The following WWP1 variants were observed in gnomAD, a reference collection of about 807,000 sequenced individuals.
WWP1 encodes the protein NEDD4-like E3 ubiquitin-protein ligase WWP1.
In WWP1, 49 loss-of-function variants were observed where a neutral mutation model predicts 130.6. That is an observed-to-expected ratio of 0.38 (90% CI 0.30 to 0.48). WWP1 has a LOEUF of 0.48. Among genes scored for constraint, WWP1 ranks in the 20% least tolerant of loss-of-function variants. The pLI, the probability that WWP1 is intolerant of heterozygous loss-of-function variation, is 0.99. For missense variants in WWP1, 809 were observed against 1,100.6 expected (o/e 0.74, Z 3.75); for synonymous variants, 332 against 367.8 (o/e 0.90, Z 1.11).
intron 21 of WWP1, 73 bp downstream of exon 21, chr8:86,452,752 C>G (rs1290171269): frequency 6.5e-7 from 1 of 1,548,828 alleles, no homozygotes; most frequent in East Asian, 2.3e-5. Context: ...TTTTACAGAA[C>G]AGTGTTCACA....
At chr8:86,424,294 G>A (rs1160413609) in intron 9 of WWP1, among the ~76,000 whole-genome samples, 13 of 150,584 alleles carry the variant, frequency 8.6e-5, no homozygotes, top group Non-Finnish European at 1.3e-4. Context: ...GATGGCGGCC[G>A]GGAAGAGGCG....
At chr8:86,352,039 CTTTT>C (rs770047019) in intron 1 of WWP1, among the ~76,000 whole-genome samples, 2 of 125,192 alleles carry the variant, frequency 1.6e-5, no homozygotes, top group Non-Finnish European at 1.6e-5. Context: ...TAAAATATTC[CTTTT>C]TTTTTTTTTT....
In WWP1 at chr8:86,342,613, G is replaced by T; in HGVS notation, c.-432G>T. ...AGCGCGCGGTGCCGGGGCCGGCGGG[G>T]AGGCGCGCGCTTAGGGCGCGGCGCC... On this transcript the variant is annotated 5_prime_UTR_variant, in exon 1 of 25. Transcript: ENST00000517970. The T allele has an allele frequency of 5.3e-6, 1 of 188,842 alleles. No individual in the cohort carries two copies. Among genetic ancestry groups the T allele is most frequent in the Non-Finnish European group, 1.1e-5 (1 of 93,604 alleles). The allele number at this position is 188,842 out of a possible 1,614,324, so 11.7% of individuals were successfully genotyped here.
intron 1 of WWP1, among the ~76,000 whole-genome samples, chr8:86,360,121 C>A (rs1355213164): frequency 6.7e-6 from 1 of 150,014 alleles, no homozygotes; most frequent in Non-Finnish European, 1.5e-5. Context: ...TTCTCTTGGG[C>A]AACAGACTGA....
At chr8:86,426,050 A>C (rs936472717) in intron 10 of WWP1, among the ~76,000 whole-genome samples, 1 of 152,230 alleles carries the variant, frequency 6.6e-6, no homozygotes, top group Non-Finnish European at 1.5e-5. Flanking sequence ...TAGAAAATTC[A>C]AGGCAGAGAA....
At chr8:86,460,941 C>G (rs530405591) in intron 22 of WWP1, among the ~76,000 whole-genome samples, 1 of 151,528 alleles carries the variant, frequency 6.6e-6, no homozygotes, top group African/African-American at 2.4e-5. Context: ...TCTCGAGTAG[C>G]TGGGACTACA....
In WWP1 at chr8:86,364,489, G is replaced by A. The variant is rs941940233; in HGVS notation, c.-114-4450G>A. On this transcript the variant is annotated intron_variant, in intron 1 of 24. Coordinates refer to ENST00000517970, the MANE Select transcript of WWP1 (RefSeq NM_007013.4). Reference sequence around the variant, plus strand: ...GAGGTAAATTTTGAGGTAATGTACTGTAAAGCAGAAGAGTTTTCTGTGTAA... The same window carrying A: ...GAGGTAAATTTTGAGGTAATGTACTATAAAGCAGAAGAGTTTTCTGTGTAA... Among the ~76,000 whole-genome samples the A allele has an allele frequency of 2.6e-5, 4 of 152,244 alleles. No individual in the cohort carries two copies. In the South Asian group the frequency reaches 6.2e-4, roughly 24 times the overall value.
chr8:86,363,179 T>TG (rs1823768704), intron 1 of WWP1, among the ~76,000 whole-genome samples: 1 of 151,840 alleles, frequency 6.6e-6, no homozygotes, highest in Admixed American at 6.6e-5. Flanking sequence ...GGCAGAACAC[T>TG]GGGTTTTGTG....
At chr8:86,378,611 TTAA>T (rs1256571126) in intron 3 of WWP1, among the ~76,000 whole-genome samples, 1 of 152,220 alleles carries the variant, frequency 6.6e-6, no homozygotes, top group Non-Finnish European at 1.5e-5. Flanking sequence ...ACTTTTTGAA[TTAA>T]TAAGGTTGTC....
chr8:86,342,824 G>A lies in WWP1; in HGVS notation c.-221G>A. 5.4e-6 allele frequency: 2 copies of A among 369,376 alleles called. No individual in the cohort carries two copies. The highest frequency in any genetic ancestry group is 3.9e-5 in the East Asian group (1 of 25,618). The allele number at this position is 369,376 out of a possible 1,614,324, so 22.9% of individuals were successfully genotyped here. Reference sequence around the variant, plus strand: ...CTGGGTGGCTGCTGCCGCCGCGCCTGCTGCGAGATGGCGATCTTGGGCGCG... The same window carrying A: ...CTGGGTGGCTGCTGCCGCCGCGCCTACTGCGAGATGGCGATCTTGGGCGCG... On this transcript the variant is annotated 5_prime_UTR_variant, in exon 1 of 25. Transcript: ENST00000517970.
At chr8:86,449,379 A>G (rs1015000887) in intron 20 of WWP1, among the ~76,000 whole-genome samples, 5 of 152,234 alleles carry the variant, frequency 3.3e-5, no homozygotes, top group African/African-American at 1.2e-4. Flanking sequence ...TATTGCAACT[A>G]CTCACCTCTG....
chr8:86,435,015 T>G (rs1380806164), intron 14 of WWP1, among the ~76,000 whole-genome samples: 1 of 152,190 alleles, frequency 6.6e-6, no homozygotes, highest in Non-Finnish European at 1.5e-5. Flanking sequence ...TGGATGACAA[T>G]GTTGTTTCTA....
intron 14 of WWP1, among the ~76,000 whole-genome samples, chr8:86,433,006 A>C (rs1360864309): frequency 1.3e-5 from 2 of 152,180 alleles, no homozygotes; most frequent in Non-Finnish European, 2.9e-5. Flanking sequence ...ACTCCAAGGA[A>C]GTTCCCCTGA....
intron 8 of WWP1, among the ~76,000 whole-genome samples, chr8:86,403,452 T>C (rs1808110873): frequency 1.3e-5 from 2 of 152,058 alleles, no homozygotes; most frequent in Admixed American, 6.6e-5. Context: ...TGTGCCACCA[T>C]GCCCCCTAAT....
At chr8:86,427,864 GTTTC>G (rs1809720224) in intron 11 of WWP1, 47 bp downstream of exon 11, 3 of 1,497,348 alleles carry the variant, frequency 2.0e-6, no homozygotes, top group African/African-American at 1.4e-5. Context: ...TCCCTCAGGT[GTTTC>G]TTTCTTTTTT....
chr8:86,376,979 C>CG lies in WWP1; in HGVS notation c.70+2859_70+2860insG, dbSNP rs528525161. Among the ~76,000 whole-genome samples, 44 of 152,308 alleles carry CG rather than the reference C, an allele frequency of 2.9e-4. No individual in the cohort carries two copies. The South Asian group carries it at 8.9e-3, about 31-fold the overall frequency. On this transcript the variant is annotated intron_variant, in intron 3 of 24. Coordinates refer to ENST00000517970, the MANE Select transcript of WWP1 (RefSeq NM_007013.4). Reference sequence around the variant, plus strand: ...TACTCCTGATTTGTCAGTGAGGACACTGAGAATCAGAGGGATTAAGTGCCT... The same window carrying CG: ...TACTCCTGATTTGTCAGTGAGGACACGTGAGAATCAGAGGGATTAAGTGCCT...
chr8:86,363,651 A>G (rs999398811), intron 1 of WWP1, among the ~76,000 whole-genome samples: 2 of 151,798 alleles, frequency 1.3e-5, no homozygotes, highest in Non-Finnish European at 2.9e-5. Context: ...AAAATAAACA[A>G]ATTAGCCGGG....
At chr8:86,427,156 G>A (rs778818636) in intron 10 of WWP1, among the ~76,000 whole-genome samples, 10 of 144,374 alleles carry the variant, frequency 6.9e-5, no homozygotes, top group African/African-American at 2.0e-4. Flanking sequence ...AGAGCGAAAC[G>A]CCATCTCAAA....
At position 86,354,013 on chromosome 8, in the gene WWP1, A is replaced by T. The variant is rs547590809; in HGVS notation, c.-115+11083A>T. 2.0e-5 allele frequency among the ~76,000 whole-genome samples: 3 copies of T among 152,332 alleles called. No individual in the cohort carries two copies. In the South Asian group the frequency reaches 6.2e-4, roughly 32 times the overall value. On this transcript the variant is annotated intron_variant, in intron 1 of 24. Transcript: ENST00000517970. ...ACTTTCTTTGTGATTTAATTTTTCC[A>T]TTAACGTATTGGCTATTTAGAGCTC...
Sources: gnomAD v4.1 joint callset for allele counts (sites outside exome capture counted in the v4.1 genomes callset) on GRCh38, gnomAD v4.1.1 for gene constraint, MANE v1.5 for transcripts, NCBI Gene and HGNC (gene_info 2026-07-23, HGNC 2026-07-21) for gene names.